Variants in STMN3 observed in about 807,000 individuals in gnomAD.
The protein encoded by STMN3 is stathmin-3.
A neutral mutation model predicts 23.2 loss-of-function variants in STMN3; 24 were observed. The ratio of observed to expected loss-of-function variants is 1.03; its 90% CI spans 0.75 to 1.45. STMN3 has a LOEUF of 1.45. Among genes scored for constraint, STMN3 ranks in the 40% most tolerant of loss-of-function variants. STMN3 has a pLI of 0.00. For synonymous variants in STMN3, 117 were observed against 103.4 expected, an observed-to-expected ratio of 1.13 and a Z score of -0.80; for missense variants, 235 against 237.6, an observed-to-expected ratio of 0.99 and a Z score of 0.07.
chr20:63,649,205 C>T (rs1601062198), intron 1 of STMN3, among the ~76,000 whole-genome samples: 2 of 152,078 alleles, frequency 1.3e-5, no homozygotes, highest in South Asian at 2.1e-4. Context: ...ACCCACAGGA[C>T]GGAGCCTGGG....
rs1332950017 is a variant in STMN3 at position 63,640,011 on chromosome 20, G to C, written c.*1327C>G. 6.5e-6 allele frequency: 1 copy of C among 152,714 alleles called. No individual in the cohort carries two copies. Among genetic ancestry groups the C allele is most frequent in the Non-Finnish European group, 1.5e-5 (1 of 68,124 alleles). The allele number at this position is 152,714 out of a possible 1,614,324, so 9.5% of individuals were successfully genotyped here. ...GCCCTGCAGGGGTCAGGATCCTCCC[G>C]TGGTCCCTGGGTGTGACTCTGGAAG... On this transcript the variant is annotated 3_prime_UTR_variant, in exon 5 of 5. Coordinates refer to ENST00000370053, the MANE Select transcript of STMN3 (RefSeq NM_015894.4).
Position 63,647,973 on chromosome 20 carries a change from T to TATATAC in STMN3, c.20-3665_20-3664insGTATAT, listed in dbSNP as rs1569070350. On this transcript the variant is annotated intron_variant, in intron 1 of 4. Coordinates refer to ENST00000370053, the MANE Select transcript of STMN3 (RefSeq NM_015894.4). ...GTATATATATATGTATATATATATA[T>TATATAC]ATATATACATATATATATACAGAGA... Among the ~76,000 whole-genome samples, 7 of 81,828 alleles carry TATATAC rather than the reference T, an allele frequency of 8.6e-5. 1 individual carries two copies. Among genetic ancestry groups the TATATAC allele is most frequent in the Admixed American group, 2.8e-4 (2 of 7,184 alleles). 53.7% of individuals were successfully genotyped at this position (81,828 alleles called of 152,430 possible).
intron 1 of STMN3, among the ~76,000 whole-genome samples, chr20:63,653,055 C>G (rs997599156): frequency 1.3e-5 from 2 of 151,700 alleles, no homozygotes; most frequent in African/African-American, 2.4e-5. Flanking sequence ...CAGTCGCGCC[C>G]TGCGTGGCAC....
At chr20:63,646,856 C>A (rs189748081) in intron 1 of STMN3, among the ~76,000 whole-genome samples, 1 of 151,468 alleles carries the variant, frequency 6.6e-6, no homozygotes, top group African/African-American at 2.4e-5. Flanking sequence ...TGGGTTCTAG[C>A]GATTCTCCTG....
chr20:63,647,693 A>G (rs868541467), intron 1 of STMN3, among the ~76,000 whole-genome samples: 2 of 133,330 alleles, frequency 1.5e-5, no homozygotes, highest in Non-Finnish European at 3.2e-5. Context: ...ACACGTGTAT[A>G]TATATAATAT....
rs976175507 is a variant in STMN3 at position 63,640,756 on chromosome 20, G to C, written c.*582C>G. On this transcript the variant is annotated 3_prime_UTR_variant, in exon 5 of 5. Transcript: ENST00000370053. Reference sequence around the variant, plus strand: ...GCCCAGGGTGTCCACCTCACGCCAGGTGGTCTCAGAGGACCCCTGTGCAAC... The same window carrying C: ...GCCCAGGGTGTCCACCTCACGCCAGCTGGTCTCAGAGGACCCCTGTGCAAC... 2 of 189,292 alleles carry C rather than the reference G, an allele frequency of 1.1e-5. No individual in the cohort carries two copies. Among genetic ancestry groups the C allele is most frequent in the Admixed American group, 1.1e-4 (2 of 18,534 alleles). 11.7% of individuals were successfully genotyped at this position (189,292 alleles called of 1,614,324 possible). A position where few individuals can be genotyped will look rare whatever the true frequency, so the allele number is the denominator to read the frequency against.
chr20:63,643,569 C>T (rs34459483), intron 3 of STMN3, 187 bp downstream of exon 3: 10 of 934,306 alleles, frequency 1.1e-5, no homozygotes, highest in Non-Finnish European at 1.3e-5. Context: ...GCGTGAGCCA[C>T]CACACCCGGC....
chr20:63,641,789 C>T (rs1211523564), intron 4 of STMN3, among the ~76,000 whole-genome samples: 1 of 150,986 alleles, frequency 6.6e-6, no homozygotes, highest in Non-Finnish European at 1.5e-5. Context: ...CCCACCCCAG[C>T]TCAGCGCCTC....
At chr20:63,646,706 G>A (rs1319640204) in intron 1 of STMN3, among the ~76,000 whole-genome samples, 1 of 151,900 alleles carries the variant, frequency 6.6e-6, no homozygotes, top group African/African-American at 2.4e-5. Context: ...TGGAGTGTAG[G>A]GTGCAGCTGT....
chr20:63,648,330 TAAG>T (rs1221126895), intron 1 of STMN3, among the ~76,000 whole-genome samples: 3 of 151,794 alleles, frequency 2.0e-5, no homozygotes, highest in Non-Finnish European at 2.9e-5. Flanking sequence ...CCTGAGAGGA[TAAG>T]AAGGTAGGGA....
chr20:63,647,395 T>TCG, intron 1 of STMN3, among the ~76,000 whole-genome samples: 2 of 147,980 alleles, frequency 1.4e-5, no homozygotes, highest in Non-Finnish European at 3.0e-5. Flanking sequence ...GGCGGGCAGA[T>TCG]CATGAGGTCA....
Position 63,643,851 on chromosome 20 carries a change from G to A in STMN3, c.196C>T (p.Pro66Ser), listed in dbSNP as rs1314214090. 2 of 1,579,476 alleles carry A rather than the reference G, an allele frequency of 1.3e-6. No homozygotes were observed. The highest frequency in any genetic ancestry group is 1.7e-6 in the Non-Finnish European group (2 of 1,170,958). ...VILKSPSDLS[P>S]ESPMLSSPPK... is the part of the protein sequence containing the mutation. The stretch of plus-strand genomic sequence containing the variant: ...GGGGAGGAGAGCATAGGGCTCTCTG[G>A]GGACAGGTCAGAAGGGGACTTGAGG... The change falls in exon 3 of 5, where the codon CCA (proline) becomes TCA (serine). Residue 66 changes from proline to serine, a missense_variant. By Grantham distance (74) the Pro-to-Ser change is moderately conservative. Coordinates refer to ENST00000370053, the MANE Select transcript of STMN3 (RefSeq NM_015894.4).
rs376662131 is a variant in STMN3 at position 63,645,544 on chromosome 20, G to A, written c.20-1235C>T. ...GCTCCTGTGGCCCTGTGCCCTGTCA[G>A]GGGAAGAGGAAGGCGCCTGCTGTCA... On this transcript the variant is annotated intron_variant, in intron 1 of 4. Transcript: ENST00000370053. Among the ~76,000 whole-genome samples the A allele has an allele frequency of 3.9e-5, 6 of 152,346 alleles. No homozygotes were observed. In the South Asian group the frequency reaches 8.3e-4, roughly 21 times the overall value.
At chr20:63,642,389 C>G in intron 3 of STMN3, 90 bp from the exon 4 acceptor site, 1 of 1,009,462 alleles carries the variant, frequency 9.9e-7, no homozygotes, top group Non-Finnish European at 1.3e-6. Context: ...GCCCAGCGCC[C>G]GCTCGCCTCA....
rs745654074 is a variant in STMN3 at position 63,642,177 on chromosome 20, G to A, written c.414C>T (p.Tyr138=). Residue 138 remains tyrosine (Y), a synonymous_variant, in exon 4 of 5, where the codon TAC becomes TAT. Coordinates refer to ENST00000370053, the MANE Select transcript of STMN3 (RefSeq NM_015894.4). ...FSRQAEEKLN[Y]KMELSKEIRE... is the part of the protein sequence containing the mutation. Reference sequence around the variant, plus strand: ...GGATCTCCTTGCTGAGCTCCATCTTGTAGTTGAGCTTCTCCTCCGCCTGGC... The same window carrying A: ...GGATCTCCTTGCTGAGCTCCATCTTATAGTTGAGCTTCTCCTCCGCCTGGC... The A allele has an allele frequency of 1.8e-5, 28 of 1,533,730 alleles. No individual in the cohort carries two copies. Among genetic ancestry groups the A allele is most frequent in the African/African-American group, 3.0e-5 (2 of 67,482 alleles).
intron 1 of STMN3, among the ~76,000 whole-genome samples, chr20:63,646,278 T>G (rs1185383393): frequency 6.6e-6 from 1 of 151,898 alleles, no homozygotes; most frequent in African/African-American, 2.4e-5. Context: ...CCTGTCTTGG[T>G]CATTGTCTTC....
rs1166962818 is a variant in STMN3, at chr20:63,652,463, G to A, written c.19+864C>T. 4.5e-6 allele frequency: 3 copies of A among 668,472 alleles called. No homozygotes were observed. Among genetic ancestry groups the A allele is most frequent in the Non-Finnish European group, 5.6e-6 (3 of 540,050 alleles). The allele number at this position is 668,472 out of a possible 1,614,324, so 41.4% of individuals were successfully genotyped here. On this transcript the variant is annotated intron_variant, in intron 1 of 4. Transcript: ENST00000370053. This position sits in a 1 kb window ranked among gnomAD's most constrained non-coding sequence, Gnocchi z 5.3. ...CGGGCCCAGCGTCCTCGCGCCCGAG[G>A]TCGCCCGGCAGCTCCCCTGCGTCCA...
Sources: gnomAD v4.1 joint callset for allele counts (sites outside exome capture counted in the v4.1 genomes callset) on GRCh38, gnomAD v4.1.1 for gene constraint, Gnocchi (gnomAD v3.1) non-coding constraint, MANE v1.5 for transcripts, NCBI Gene and HGNC (gene_info 2026-07-23, HGNC 2026-07-21) for gene names.